The following CTNNA3 variants were observed in gnomAD, a reference collection of about 807,000 sequenced individuals.
CTNNA3 encodes the protein catenin alpha 3.
CTNNA3 carries 76 observed loss-of-function variants against 95.7 expected under a neutral mutation model. The ratio of observed to expected loss-of-function variants is 0.79; its 90% CI spans 0.66 to 0.96. CTNNA3 has a LOEUF of 0.96. CTNNA3 is among the 40% of genes least tolerant of loss of function. The pLI is 0.00. For missense variants in CTNNA3, 1,191 were observed against 1,089.8 expected (o/e 1.09, Z -1.31); for synonymous variants, 431 against 374.4 (o/e 1.15, Z -1.74).
chr10:66,180,783 T>C (rs1312891138), intron 13 of CTNNA3, among the ~76,000 whole-genome samples: 1 of 152,166 alleles, frequency 6.6e-6, no homozygotes, highest in Non-Finnish European at 1.5e-5. Context: ...TTCATTAGCA[T>C]GCCTCCCTAA....
At chr10:66,807,201 G>A (rs1021431078) in intron 7 of CTNNA3, among the ~76,000 whole-genome samples, 2 of 151,980 alleles carry the variant, frequency 1.3e-5, no homozygotes, top group African/African-American at 4.8e-5. Flanking sequence ...CTTGTTAACT[G>A]TTGTACCTGG....
intron 13 of CTNNA3, among the ~76,000 whole-genome samples, chr10:66,230,014 A>G (rs894681873): frequency 6.6e-6 from 1 of 151,508 alleles, no homozygotes; most frequent in African/African-American, 2.4e-5. Context: ...CTACTATTGA[A>G]GTTTTTCTAT....
chr10:66,164,011 A>G (rs1487595745), intron 13 of CTNNA3, among the ~76,000 whole-genome samples: 7 of 152,182 alleles, frequency 4.6e-5, no homozygotes, highest in Non-Finnish European at 7.3e-5. Flanking sequence ...AACATGGGAG[A>G]AAGCATAAAA....
At chr10:66,134,120 G>A (rs940492650) in intron 13 of CTNNA3, among the ~76,000 whole-genome samples, 10 of 151,850 alleles carry the variant, frequency 6.6e-5, no homozygotes, top group Non-Finnish European at 1.2e-4. Context: ...ATGCAACTCC[G>A]ATAAAAAGCT....
At chr10:67,316,938 A>G (rs1449519693) in intron 5 of CTNNA3, among the ~76,000 whole-genome samples, 1 of 152,208 alleles carries the variant, frequency 6.6e-6, no homozygotes, top group Non-Finnish European at 1.5e-5. Context: ...CAAAATAGTA[A>G]AAGGCATTAT....
At chr10:66,460,958 G>C (rs1252734781) in intron 11 of CTNNA3, among the ~76,000 whole-genome samples, 4 of 151,870 alleles carry the variant, frequency 2.6e-5, no homozygotes, top group Non-Finnish European at 5.9e-5. Flanking sequence ...AATTCCTGAA[G>C]TTTTTCTCAG....
chr10:67,199,968 G>A (rs969451643), intron 6 of CTNNA3, among the ~76,000 whole-genome samples: 6 of 152,034 alleles, frequency 3.9e-5, no homozygotes, highest in African/African-American at 1.4e-4. Context: ...TAACTACTAC[G>A]AATACCAAGC....
chr10:65,929,604 T>C (rs2077219678), intron 17 of CTNNA3, among the ~76,000 whole-genome samples: 1 of 151,460 alleles, frequency 6.6e-6, no homozygotes, highest in Non-Finnish European at 1.5e-5. Flanking sequence ...AGTCTCCCTC[T>C]GTCACCTAGG....
intron 13 of CTNNA3, among the ~76,000 whole-genome samples, chr10:66,144,362 C>T (rs909730629): frequency 1.3e-5 from 2 of 151,990 alleles, no homozygotes; most frequent in Non-Finnish European, 2.9e-5. Flanking sequence ...ATCTTTTTAT[C>T]AAACTTAGCA....
At position 65,971,030 on chromosome 10, in the gene CTNNA3, T is replaced by C. The variant is rs1008191149; in HGVS notation, c.2266-4284A>G. On this transcript the variant is annotated intron_variant, in intron 16 of 17. Coordinates refer to ENST00000433211, the MANE Select transcript of CTNNA3 (RefSeq NM_013266.4). ...AAATTAGCTAGTCTCAGTATCTTCATAGCAATGTGAAAATGGACTAATAAA... is the reference window on the plus strand; with the variant it reads ...AAATTAGCTAGTCTCAGTATCTTCACAGCAATGTGAAAATGGACTAATAAA... Among the ~76,000 whole-genome samples the C allele has an allele frequency of 5.3e-5, 8 of 151,372 alleles. No homozygotes were observed. The East Asian group carries it at 9.7e-4, about 18-fold the overall frequency.
At chr10:66,180,684 T>C (rs1427776746) in intron 13 of CTNNA3, among the ~76,000 whole-genome samples, 1 of 152,176 alleles carries the variant, frequency 6.6e-6, no homozygotes, top group East Asian at 1.9e-4. Flanking sequence ...AATATGGCAG[T>C]GCTTATCAGT....
At chr10:66,127,598 G>T (rs542312752) in intron 13 of CTNNA3, among the ~76,000 whole-genome samples, 6 of 152,086 alleles carry the variant, frequency 3.9e-5, no homozygotes, top group Non-Finnish European at 8.8e-5. Flanking sequence ...ACTATTAAAC[G>T]CAATGTAATA....
chr10:66,331,720 T>A (rs1416709640), intron 12 of CTNNA3, among the ~76,000 whole-genome samples: 1 of 152,018 alleles, frequency 6.6e-6, no homozygotes, highest in African/African-American at 2.4e-5. Flanking sequence ...TAGTATAGTT[T>A]GAAGTCAGGT....
intron 17 of CTNNA3, among the ~76,000 whole-genome samples, chr10:65,962,562 T>G (rs2077867595): frequency 6.6e-6 from 1 of 152,130 alleles, no homozygotes; most frequent in Admixed American, 6.6e-5. Flanking sequence ...TAGACTAATT[T>G]TTTTTTTATT....
chr10:67,600,196 T>C (rs547118334), intron 3 of CTNNA3, among the ~76,000 whole-genome samples: 12 of 152,214 alleles, frequency 7.9e-5, no homozygotes, highest in African/African-American at 2.9e-4. Context: ...AAAAAAAATA[T>C]GACCTCTAAT....
intron 7 of CTNNA3, chr10:66,926,871 A>G (rs561078205): frequency 6.7e-7 from 1 of 1,488,226 alleles, no homozygotes; most frequent in African/African-American, 1.4e-5. Flanking sequence ...TTGATTAAGG[A>G]TTAATTCTTT....
chr10:66,698,484 T>G (rs1264306981), intron 9 of CTNNA3, among the ~76,000 whole-genome samples: 1 of 145,216 alleles, frequency 6.9e-6, no homozygotes, highest in African/African-American at 2.7e-5. Context: ...GTGGCACTGA[T>G]TACAAAAAAA....
intron 1 of CTNNA3, among the ~76,000 whole-genome samples, chr10:67,683,679 C>G (rs1840670639): frequency 6.6e-6 from 1 of 152,212 alleles, no homozygotes; most frequent in Admixed American, 6.5e-5. Context: ...TTCTTGATCT[C>G]ACTGACTTCA....
intron 3 of CTNNA3, among the ~76,000 whole-genome samples, chr10:67,591,442 T>A (rs1020904543): frequency 6.6e-6 from 1 of 152,046 alleles, no homozygotes; most frequent in African/African-American, 2.4e-5. Flanking sequence ...TAAGTATAAA[T>A]GAGATGATCA....
Sources: gnomAD v4.1 joint callset for allele counts (sites outside exome capture counted in the v4.1 genomes callset) on GRCh38, gnomAD v4.1.1 for gene constraint, MANE v1.5 for transcripts, NCBI Gene and HGNC (gene_info 2026-07-23, HGNC 2026-07-21) for gene names.